The following XPO4 variants were observed in gnomAD, a reference collection of about 807,000 sequenced individuals.
The protein encoded by XPO4 is exportin 4, also known as exportin-4.
Under a neutral mutation model 143.0 loss-of-function variants are expected in XPO4, and 39 were observed. The ratio of observed to expected loss-of-function variants is 0.27; its 90% CI spans 0.21 to 0.36. XPO4 has a LOEUF of 0.36. XPO4 is among the 10% of genes least tolerant of loss of function. XPO4 has a pLI of 1.00. For missense variants in XPO4, 907 were observed against 1,348.0 expected, an observed-to-expected ratio of 0.67 and a Z score of 5.12; for synonymous variants, 439 against 474.0, an observed-to-expected ratio of 0.93 and a Z score of 0.96.
chr13:20,879,374 A>C, intron 1 of XPO4: 2 of 935,878 alleles, frequency 2.1e-6, no homozygotes, highest in Non-Finnish European at 2.5e-6. Context: ...TAGATGGAAG[A>C]GCGTAAATTA....
chr13:20,832,420 T>A (rs1294005307), intron 6 of XPO4, among the ~76,000 whole-genome samples: 2 of 152,184 alleles, frequency 1.3e-5, no homozygotes, highest in African/African-American at 4.8e-5. Context: ...AAATAAGGCA[T>A]ACAGTAGCTA....
At chr13:20,859,900 A>C in intron 3 of XPO4, 2 of 973,260 alleles carry the variant, frequency 2.1e-6, no homozygotes, top group Non-Finnish European at 2.4e-6. Flanking sequence ...AAGTCTACCA[A>C]GGTCTCCAGA....
rs575418614 is a variant in XPO4 at position 20,856,816 on chromosome 13, G to A, written c.318-1051C>T. On this transcript the variant is annotated intron_variant, in intron 3 of 22. Transcript: ENST00000255305. ...ACACTCTTTTGACTTCCAGGCCTCT[G>A]AACTTCTATTCCCTCTCCCAAGATT... The A allele has an allele frequency of 1.4e-5, 14 of 983,982 alleles. No homozygotes were observed. In the East Asian group the frequency reaches 1.5e-3, roughly 104 times the overall value. The allele number at this position is 983,982 out of a possible 1,614,324, so 61.0% of individuals were successfully genotyped here. A position where few individuals can be genotyped will look rare whatever the true frequency, so the allele number is the denominator to read the frequency against.
At chr13:20,848,866 A>G (rs693489) in intron 4 of XPO4, 209,467 of 984,878 alleles carry the variant, frequency 0.21, 26,575 homozygotes, top group East Asian at 0.79. Flanking sequence ...GAGGTGTCAA[A>G]GTTATAAAAA....
intron 1 of XPO4, among the ~76,000 whole-genome samples, chr13:20,883,828 C>T (rs1053321819): frequency 2.0e-5 from 3 of 152,158 alleles, no homozygotes; most frequent in African/African-American, 7.2e-5. Context: ...AGTGCAATGG[C>T]GTGATCTCCA....
intron 9 of XPO4, among the ~76,000 whole-genome samples, chr13:20,813,226 A>AGT (rs2059606337): frequency 6.6e-6 from 1 of 152,162 alleles, no homozygotes; most frequent in African/African-American, 2.4e-5. Flanking sequence ...TGGGTATTAC[A>AGT]AGATTACAAT....
At chr13:20,845,312 G>A (rs1222632527) in intron 4 of XPO4, among the ~76,000 whole-genome samples, 1 of 152,174 alleles carries the variant, frequency 6.6e-6, no homozygotes, top group Non-Finnish European at 1.5e-5. Flanking sequence ...TTCCACACCT[G>A]GAAGTAAATG....
rs1293672870 is a variant in XPO4 at position 20,780,422 on chromosome 13, T to C, written c.*3300A>G. The C allele has an allele frequency of 6.6e-6, 1 of 151,146 alleles. No homozygotes were observed. The highest frequency in any genetic ancestry group is 1.9e-4 in the East Asian group (1 of 5,198). 9.4% of individuals were successfully genotyped at this position (151,146 alleles called of 1,614,324 possible). On this transcript the variant is annotated 3_prime_UTR_variant, in exon 23 of 23. Coordinates refer to ENST00000255305, the MANE Select transcript of XPO4 (RefSeq NM_022459.5). ...GGGTTCATAGAAGTATTAACAGAAATGGGAAACATGGTGATATTACAACTA... is the reference window on the plus strand; with the variant it reads ...GGGTTCATAGAAGTATTAACAGAAACGGGAAACATGGTGATATTACAACTA...
At chr13:20,874,566 TTC>T (rs2060333410) in intron 1 of XPO4, among the ~76,000 whole-genome samples, 1 of 152,166 alleles carries the variant, frequency 6.6e-6, no homozygotes, top group South Asian at 2.1e-4. Context: ...TAGGCCCTAT[TTC>T]TCTTTCTCTC....
chr13:20,858,235 A>G (rs763634392), intron 3 of XPO4, among the ~76,000 whole-genome samples: 63 of 152,194 alleles, frequency 4.1e-4, no homozygotes, highest in Non-Finnish European at 6.8e-4. Flanking sequence ...ATACCAAAAA[A>G]AAAGTATAAA....
At chr13:20,899,039 G>T (rs144294733) in intron 1 of XPO4, among the ~76,000 whole-genome samples, 1 of 152,224 alleles carries the variant, frequency 6.6e-6, no homozygotes, top group East Asian at 1.9e-4. Context: ...ATTCAAGGCT[G>T]CAGTGAGCCA....
In XPO4 at chr13:20,777,660, T is replaced by A. The variant is rs1014150574; in HGVS notation, c.*6062A>T. 1 of 152,222 alleles carries A rather than the reference T, an allele frequency of 6.6e-6. No individual in the cohort carries two copies. The highest frequency in any genetic ancestry group is 2.4e-5 in the African/African-American group (1 of 41,458). The allele number at this position is 152,222 out of a possible 1,614,324, so 9.4% of individuals were successfully genotyped here. A position where few individuals can be genotyped will look rare whatever the true frequency, so the allele number is the denominator to read the frequency against. On this transcript the variant is annotated 3_prime_UTR_variant, in exon 23 of 23. Transcript: ENST00000255305. ...TAAAGGTGTATTTGAAGCCTAAGAT[T>A]AGGCAGAAATGAACATTATCAAAAC...
At chr13:20,894,931 A>G (rs2060553989) in intron 1 of XPO4, among the ~76,000 whole-genome samples, 1 of 151,906 alleles carries the variant, frequency 6.6e-6, no homozygotes, top group Admixed American at 6.6e-5. Context: ...TAATCCCAGC[A>G]TTCTGGAAGG....
At chr13:20,879,023 G>A (rs1448440710) in intron 1 of XPO4, 11 of 859,960 alleles carry the variant, frequency 1.3e-5, no homozygotes, top group Non-Finnish European at 1.5e-5. Flanking sequence ...GAGCTTACAA[G>A]AAATTAAGGA....
intron 6 of XPO4, among the ~76,000 whole-genome samples, chr13:20,836,367 A>G (rs1416158946): frequency 6.6e-6 from 1 of 152,208 alleles, no homozygotes; most frequent in Non-Finnish European, 1.5e-5. Flanking sequence ...TCCTTGAAAC[A>G]TCATCTATCT....
chr13:20,887,363 C>T (rs754543461), intron 1 of XPO4, among the ~76,000 whole-genome samples: 5 of 152,106 alleles, frequency 3.3e-5, no homozygotes, highest in African/African-American at 4.8e-5. Context: ...AATCATTCCA[C>T]GTTGTATATA....
At chr13:20,883,234 TTGCCTGACACAGCA>T (rs1287025358) in intron 1 of XPO4, among the ~76,000 whole-genome samples, 1 of 152,214 alleles carries the variant, frequency 6.6e-6, no homozygotes, top group Non-Finnish European at 1.5e-5. Context: ...TTGGCAGGCC[TTGCCTGACACAGCA>T]TGGAGCTTCA....
At chr13:20,890,756 G>A (rs1235136193) in intron 1 of XPO4, among the ~76,000 whole-genome samples, 1 of 141,408 alleles carries the variant, frequency 7.1e-6, no homozygotes. Flanking sequence ...CCGAGATTGC[G>A]CAACTGCACT....
chr13:20,804,851 T>G (rs976802882), intron 13 of XPO4, among the ~76,000 whole-genome samples: 1 of 152,224 alleles, frequency 6.6e-6, no homozygotes, highest in East Asian at 1.9e-4. Context: ...ACCTCCACTA[T>G]AGGTCTGAGC....
Sources: gnomAD v4.1 joint callset for allele counts (sites outside exome capture counted in the v4.1 genomes callset) on GRCh38, gnomAD v4.1.1 for gene constraint, MANE v1.5 for transcripts, NCBI Gene and HGNC (gene_info 2026-07-23, HGNC 2026-07-21) for gene names.